Variants in PAFAH1B2 observed in about 807,000 individuals in gnomAD.
PAFAH1B2 encodes the protein platelet-activating factor acetylhydrolase IB subunit alpha2.
A neutral mutation model predicts 28.0 loss-of-function variants in PAFAH1B2; 8 were observed. The observed-to-expected ratio is 0.29, with a 90% CI of 0.17 to 0.52. PAFAH1B2 has a LOEUF of 0.52. Among genes scored for constraint, PAFAH1B2 ranks in the 20% least tolerant of loss-of-function variants. The pLI, the probability that PAFAH1B2 is intolerant of heterozygous loss-of-function variation, is 0.97. For missense variants in PAFAH1B2, 190 were observed against 282.6 expected, an observed-to-expected ratio of 0.67 and a Z score of 2.35; for synonymous variants, 104 against 103.2, an observed-to-expected ratio of 1.01 and a Z score of -0.05.
Position 117,170,580 on chromosome 11 carries a change from C to T in PAFAH1B2, c.*2881C>T, listed in dbSNP as rs1466329371. On this transcript the variant is annotated 3_prime_UTR_variant, in exon 6 of 6. Coordinates refer to ENST00000527958, the MANE Select transcript of PAFAH1B2 (RefSeq NM_002572.4). ...TGTCAGAAACCTTAACCCAACAAAA[C>T]AAATCTTGAGTAGCTCATGCCCGGC... is the stretch of plus-strand genomic sequence containing the variant. 3.0e-6 allele frequency: 3 copies of T among 993,698 alleles called. No homozygotes were observed. The highest frequency in any genetic ancestry group is 4.7e-4 in the Middle Eastern group (1 of 2,108). The allele number at this position is 993,698 out of a possible 1,614,324, so 61.6% of individuals were successfully genotyped here.
In PAFAH1B2 at chr11:117,170,828, G is replaced by T; in HGVS notation, c.*3129G>T. 3.8e-6 allele frequency: 4 copies of T among 1,059,742 alleles called. No individual in the cohort carries two copies. Among genetic ancestry groups the T allele is most frequent in the Non-Finnish European group, 4.6e-6 (4 of 875,796 alleles). 65.6% of individuals were successfully genotyped at this position (1,059,742 alleles called of 1,614,324 possible). ...TGTCCAAGCTCCTAAATCCGTGTGG[G>T]TGCATGTGGGAGAAGTGAGTTAGGG... is the stretch of plus-strand genomic sequence containing the variant. On this transcript the variant is annotated 3_prime_UTR_variant, in exon 6 of 6. Transcript: ENST00000527958.
At chr11:117,172,931 G>A, downstream of PAFAH1B2, among the ~76,000 whole-genome samples, 1 of 152,162 alleles carries the variant, frequency 6.6e-6, no homozygotes. Flanking sequence ...TCGAATTCCT[G>A]GCCTCAGGCA....
downstream of PAFAH1B2, among the ~76,000 whole-genome samples, chr11:117,172,383 TATATATATATATATATA>T (rs1956682693): frequency 0.022 from 73 of 3,252 alleles, 4 homozygotes; most frequent in South Asian, 0.074. Flanking sequence ...TATATATATA[TATATATATATATATATA>T]TATATTTTTT....
Position 117,168,847 on chromosome 11 carries a change from A to G in PAFAH1B2, c.*1148A>G, listed in dbSNP as rs538280440. 5.2e-5 allele frequency: 35 copies of G among 670,082 alleles called. No homozygotes were observed. The South Asian group carries it at 2.1e-3, about 40-fold the overall frequency. The allele number at this position is 670,082 out of a possible 1,614,324, so 41.5% of individuals were successfully genotyped here. A position where few individuals can be genotyped will look rare whatever the true frequency, so the allele number is the denominator to read the frequency against. ...TCACTGTTGCCCAGGCTGGGGTGCA[A>G]TGGTGTGATCTTGGCTCACTGCAGC... On this transcript the variant is annotated 3_prime_UTR_variant, in exon 6 of 6. Transcript: ENST00000527958.
intron 1 of PAFAH1B2, among the ~76,000 whole-genome samples, chr11:117,148,192 C>G (rs1312077197): frequency 6.6e-6 from 1 of 151,680 alleles, no homozygotes; most frequent in Non-Finnish European, 1.5e-5. Flanking sequence ...GCTGGGATTA[C>G]AAGTATGTGC....
chr11:117,159,161 TTAA>T (rs770084205), intron 2 of PAFAH1B2, among the ~76,000 whole-genome samples: 2 of 152,258 alleles, frequency 1.3e-5, no homozygotes, highest in East Asian at 1.9e-4. Flanking sequence ...TACAATTTTC[TTAA>T]TAAAAGTTTG....
Position 117,169,962 on chromosome 11 carries a change from A to C in PAFAH1B2, c.*2263A>C. ...GAGCTGGCCCTCAGCTCCTTTGCTC[A>C]TGTGTACAAACCTCAGATGTTACTA... On this transcript the variant is annotated 3_prime_UTR_variant, in exon 6 of 6. Transcript: ENST00000527958. The C allele has an allele frequency of 4.7e-6, 5 of 1,052,966 alleles. No homozygotes were observed. Among genetic ancestry groups the C allele is most frequent in the Non-Finnish European group, 5.7e-6 (5 of 871,528 alleles). The allele number at this position is 1,052,966 out of a possible 1,614,324, so 65.2% of individuals were successfully genotyped here.
At position 117,151,547 on chromosome 11, in the gene PAFAH1B2, T is replaced by C. The variant is rs542894856; in HGVS notation, c.-7-894T>C. Among the ~76,000 whole-genome samples the C allele has an allele frequency of 5.3e-5, 8 of 152,006 alleles. No individual in the cohort carries two copies. The South Asian group carries it at 1.7e-3, about 32-fold the overall frequency. On this transcript the variant is annotated intron_variant, in intron 1 of 5. Transcript: ENST00000527958. ...CCCAGCCATCATTTCTAAAATTTTC[T>C]TAGTGGAAACTTACAAAAATAAAAA...
At position 117,169,987 on chromosome 11, in the gene PAFAH1B2, A is replaced by G. The variant is rs1956611318; in HGVS notation, c.*2288A>G. 1.9e-6 allele frequency: 2 copies of G among 1,053,904 alleles called. No homozygotes were observed. Among genetic ancestry groups the G allele is most frequent in the Non-Finnish European group, 2.3e-6 (2 of 872,180 alleles). 65.3% of individuals were successfully genotyped at this position (1,053,904 alleles called of 1,614,324 possible). On this transcript the variant is annotated 3_prime_UTR_variant, in exon 6 of 6. Transcript: ENST00000527958. The stretch of plus-strand genomic sequence containing the variant: ...ATGTGTACAAACCTCAGATGTTACT[A>G]CATTTTATATCTACCAGAGCTATTC...
At chr11:117,173,427 G>A (rs1368858986), downstream of PAFAH1B2, among the ~76,000 whole-genome samples, 1 of 152,240 alleles carries the variant, frequency 6.6e-6, no homozygotes, top group Non-Finnish European at 1.5e-5. Context: ...GTCCAGACAA[G>A]GCTCCCAAAA....
At chr11:117,175,420 T>C (rs77086432), downstream of PAFAH1B2, 33,162 of 1,067,494 alleles carry the variant, frequency 0.031, 528 homozygotes, top group Admixed American at 0.034. Context: ...TCTGCAGACC[T>C]GGGAACAGCA....
At chr11:117,158,653 T>C (rs1956306566) in intron 2 of PAFAH1B2, among the ~76,000 whole-genome samples, 1 of 149,768 alleles carries the variant, frequency 6.7e-6, no homozygotes, top group Non-Finnish European at 1.5e-5. Context: ...TTTTTTTTTT[T>C]TTTTTTTTAA....
chr11:117,150,989 GAA>G (rs373735449), intron 1 of PAFAH1B2, among the ~76,000 whole-genome samples: 12,235 of 98,072 alleles, frequency 0.12, 640 homozygotes, highest in African/African-American at 0.21. Flanking sequence ...CTCCATCTCA[GAA>G]AAAAAAAAAA....
Position 117,170,566 on chromosome 11 carries a change from T to C in PAFAH1B2, c.*2867T>C, listed in dbSNP as rs1956629012. On this transcript the variant is annotated 3_prime_UTR_variant, in exon 6 of 6. Transcript: ENST00000527958. ...AAACCAGAATCTTTTGTCAGAAACC[T>C]TAACCCAACAAAACAAATCTTGAGT... 8 of 1,051,644 alleles carry C rather than the reference T, an allele frequency of 7.6e-6. No homozygotes were observed. The South Asian group carries it at 3.2e-4, about 42-fold the overall frequency. The allele number at this position is 1,051,644 out of a possible 1,614,324, so 65.1% of individuals were successfully genotyped here.
intron 2 of PAFAH1B2, among the ~76,000 whole-genome samples, chr11:117,153,709 A>G (rs1014044845): frequency 3.9e-5 from 6 of 151,996 alleles, no homozygotes; most frequent in East Asian, 1.9e-4. Flanking sequence ...ATCTATTTCT[A>G]TATGTATATA....
chr11:117,172,251 C>A (rs56371319), downstream of PAFAH1B2, among the ~76,000 whole-genome samples: 25,698 of 151,204 alleles, frequency 0.17, 2,336 homozygotes, highest in African/African-American at 0.21. Flanking sequence ...TTTTACATAG[C>A]TATAAAGCAA....
downstream of PAFAH1B2, chr11:117,175,462 GTAGACGCA>G (rs2029925364): frequency 2.8e-6 from 3 of 1,075,812 alleles, no homozygotes; most frequent in South Asian, 1.3e-4. Flanking sequence ...CTCCCACTCT[GTAGACGCA>G]GGGTCCTGAC....
downstream of PAFAH1B2, chr11:117,175,177 CTCTTTGTA>C (rs1405153928): frequency 1.7e-6 from 2 of 1,143,006 alleles, no homozygotes; most frequent in Non-Finnish European, 2.1e-6. Flanking sequence ...TAGGGTTGAG[CTCTTTGTA>C]TATTATGCCA....
intron 1 of PAFAH1B2, among the ~76,000 whole-genome samples, chr11:117,145,298 G>A (rs553596508): frequency 2.0e-5 from 3 of 152,274 alleles, no homozygotes; most frequent in South Asian, 2.1e-4. Flanking sequence ...GCAGGCCAGC[G>A]TTGCTTTTCA....
Sources: gnomAD v4.1 joint callset for allele counts (sites outside exome capture counted in the v4.1 genomes callset) on GRCh38, gnomAD v4.1.1 for gene constraint, MANE v1.5 for transcripts, NCBI Gene and HGNC (gene_info 2026-07-23, HGNC 2026-07-21) for gene names.